NT5M: variants seen among roughly 807,000 people sequenced by gnomAD.
NT5M encodes 5'(3')-deoxyribonucleotidase, mitochondrial.
A neutral mutation model predicts 22.2 loss-of-function variants in NT5M; 22 were observed. The observed-to-expected ratio is 0.99, with a 90% CI of 0.71 to 1.41. NT5M has a LOEUF of 1.41. Ranked by LOEUF, NT5M falls within the 40% of genes most tolerant of loss-of-function variation. The probability of loss-of-function intolerance (pLI) is 0.00; values close to 1 mark genes in which losing one functional copy is unlikely to be tolerated. For missense variants in NT5M, 322 were observed against 314.8 expected (o/e 1.02, Z -0.17); for synonymous variants, 167 against 133.0 (o/e 1.26, Z -1.76).
intron 3 of NT5M, among the ~76,000 whole-genome samples, chr17:17,323,915 G>A (rs1020828754): frequency 1.1e-4 from 16 of 152,112 alleles, no homozygotes; most frequent in African/African-American, 3.9e-4. Flanking sequence ...TCTTGTTGTT[G>A]CACAGGCTGG....
chr17:17,326,418 G>A (rs1374905088), intron 3 of NT5M, among the ~76,000 whole-genome samples: 1 of 152,174 alleles, frequency 6.6e-6, no homozygotes, highest in African/African-American at 2.4e-5. Flanking sequence ...AAGAGGAAAG[G>A]GATGTCAGGA....
At chr17:17,316,190 T>A (rs904425235) in intron 2 of NT5M, among the ~76,000 whole-genome samples, 2 of 151,928 alleles carry the variant, frequency 1.3e-5, no homozygotes, top group African/African-American at 4.8e-5. Flanking sequence ...CCCAAGTAGC[T>A]GGGACTACAG....
At chr17:17,337,354 A>G (rs569625044) in intron 3 of NT5M, among the ~76,000 whole-genome samples, 95 of 150,728 alleles carry the variant, frequency 6.3e-4, no homozygotes, top group African/African-American at 2.1e-3. Flanking sequence ...CTATCTTTCC[A>G]CCTCAGCCTC....
chr17:17,340,596 G>A (rs888987597), intron 3 of NT5M, among the ~76,000 whole-genome samples: 3 of 151,252 alleles, frequency 2.0e-5, no homozygotes, highest in Admixed American at 6.6e-5. Flanking sequence ...GCACAATCTC[G>A]GCTCACTGCA....
At position 17,323,174 on chromosome 17, in the gene NT5M, C is replaced by G. The variant is rs1001814264; in HGVS notation, c.369-11C>G. On this transcript the variant is annotated splice_polypyrimidine_tract_variant and intron_variant, in intron 2 of 4. Coordinates refer to ENST00000389022, the MANE Select transcript of NT5M (RefSeq NM_020201.4). ...GGGCTGCAGGCTCAACCTCCTTTCT[C>G]TTGTTGACAGCACTGACGTCTTCAT... 3.1e-6 allele frequency: 5 copies of G among 1,613,358 alleles called. No individual in the cohort carries two copies. The highest frequency in any genetic ancestry group is 4.2e-6 in the Non-Finnish European group (5 of 1,179,388).
chr17:17,344,731 G>A, intron 3 of NT5M, 63 bp from the exon 4 acceptor site: 1 of 1,585,608 alleles, frequency 6.3e-7, no homozygotes. Flanking sequence ...CTCGGCTCTT[G>A]GTTGGCTCCC....
intron 2 of NT5M, among the ~76,000 whole-genome samples, chr17:17,307,667 G>A (rs984206132): frequency 9.9e-5 from 15 of 151,744 alleles, no homozygotes; most frequent in Admixed American, 2.6e-4. Flanking sequence ...ACCAGCCTGC[G>A]TAGCATGGTG....
At chr17:17,313,335 C>G (rs1313350656) in intron 2 of NT5M, among the ~76,000 whole-genome samples, 1 of 152,156 alleles carries the variant, frequency 6.6e-6, no homozygotes. Flanking sequence ...TTTTTCATAG[C>G]TTCTCGATTA....
intron 1 of NT5M, among the ~76,000 whole-genome samples, chr17:17,305,162 C>T (rs981155008): frequency 2.6e-5 from 4 of 152,100 alleles, no homozygotes. Context: ...CCAAGCCCAC[C>T]CCCAACTCCG....
At chr17:17,314,718 C>T (rs2048988607) in intron 2 of NT5M, among the ~76,000 whole-genome samples, 1 of 152,204 alleles carries the variant, frequency 6.6e-6, no homozygotes, top group Non-Finnish European at 1.5e-5. Flanking sequence ...TGGCTTCTTT[C>T]CTGCCCCTTG....
intron 3 of NT5M, among the ~76,000 whole-genome samples, chr17:17,337,121 CT>C (rs1179418775): frequency 1.3e-5 from 2 of 152,130 alleles, no homozygotes; most frequent in African/African-American, 2.4e-5. Flanking sequence ...TATTGCCTGA[CT>C]TTTGGATAAA....
Position 17,317,996 on chromosome 17 carries a change from C to T in NT5M, c.369-5189C>T, listed in dbSNP as rs1045869674. 3.3e-4 allele frequency among the ~76,000 whole-genome samples: 28 copies of T among 86,116 alleles called. No homozygotes were observed. The South Asian group carries it at 9.5e-3, about 29-fold the overall frequency. 56.5% of individuals were successfully genotyped at this position (86,116 alleles called of 152,430 possible). ...AAAAAAAAAAAAAGTTAGACATAGA[C>T]TCACTGTATGAGCCAGCAATTCAAC... On this transcript the variant is annotated intron_variant, in intron 2 of 4. Transcript: ENST00000389022.
intron 3 of NT5M, among the ~76,000 whole-genome samples, chr17:17,323,999 G>A (rs1266168738): frequency 6.6e-6 from 1 of 152,070 alleles, no homozygotes; most frequent in Non-Finnish European, 1.5e-5. Context: ...AGCCTCCTGA[G>A]TAGCTGGGAT....
intron 4 of NT5M, among the ~76,000 whole-genome samples, chr17:17,346,318 G>A (rs1291474624): frequency 1.3e-5 from 2 of 152,240 alleles, no homozygotes; most frequent in Admixed American, 6.5e-5. Context: ...GTGTGGACAC[G>A]AGGGAATGAG....
At chr17:17,344,279 C>T (rs1036313110) in intron 3 of NT5M, among the ~76,000 whole-genome samples, 1 of 152,224 alleles carries the variant, frequency 6.6e-6, no homozygotes, top group Non-Finnish European at 1.5e-5. Flanking sequence ...TCTTTGTAGG[C>T]CTGTCCCAGG....
intron 3 of NT5M, among the ~76,000 whole-genome samples, chr17:17,342,787 C>T (rs1365664892): frequency 2.0e-5 from 3 of 152,184 alleles, no homozygotes; most frequent in Non-Finnish European, 4.4e-5. Context: ...GAGGTTGGAG[C>T]TCTGTGCTGA....
intron 2 of NT5M, among the ~76,000 whole-genome samples, chr17:17,316,054 CTT>C (rs113686367): frequency 7.5e-5 from 10 of 133,104 alleles, no homozygotes; most frequent in Non-Finnish European, 9.8e-5. Context: ...CATGCCCGGC[CTT>C]TTTTTTTTTT....
intron 3 of NT5M, among the ~76,000 whole-genome samples, chr17:17,329,378 T>C (rs2049329876): frequency 6.6e-6 from 1 of 152,204 alleles, no homozygotes; most frequent in African/African-American, 2.4e-5. Flanking sequence ...GGAGTCAGAC[T>C]TCAGAGCCCA....
chr17:17,338,428 C>T (rs1421638535), intron 3 of NT5M, among the ~76,000 whole-genome samples: 4 of 151,970 alleles, frequency 2.6e-5, no homozygotes, highest in East Asian at 1.9e-4. Flanking sequence ...CCTGACCTCA[C>T]GCTATCCGCC....
Sources: gnomAD v4.1 joint callset for allele counts (sites outside exome capture counted in the v4.1 genomes callset) on GRCh38, gnomAD v4.1.1 for gene constraint, MANE v1.5 for transcripts, NCBI Gene and HGNC (gene_info 2026-07-23, HGNC 2026-07-21) for gene names.